The following GPD2 variants were observed in gnomAD, a reference collection of about 807,000 sequenced individuals.
GPD2 encodes glycerol-3-phosphate dehydrogenase 2.
In GPD2, 54 loss-of-function variants were observed where a neutral mutation model predicts 82.4. That is an observed-to-expected ratio of 0.66 (90% CI 0.53 to 0.82). The LOEUF is 0.82. Ranked by LOEUF, GPD2 falls within the 40% of genes least tolerant of loss-of-function variation. GPD2 has a pLI of 0.00. For synonymous variants in GPD2, 288 were observed against 306.1 expected (o/e 0.94, Z 0.62); for missense variants, 748 against 896.2 (o/e 0.83, Z 2.11).
At chr2:156,418,287 G>A in the GPD2 span, among the ~76,000 whole-genome samples, 5 of 151,912 alleles carry the variant, frequency 3.3e-5, no homozygotes, top group Non-Finnish European at 7.4e-5. Context: ...CCAGCTACTT[G>A]GCTGAGACAG....
At chr2:156,554,838 T>C (rs1686901206) in intron 8 of GPD2, among the ~76,000 whole-genome samples, 1 of 152,206 alleles carries the variant, frequency 6.6e-6, no homozygotes, top group African/African-American at 2.4e-5. Flanking sequence ...CACTGATTGC[T>C]AAGTAGTTAA....
At chr2:156,499,647 T>TA (rs1209349522) in intron 3 of GPD2, among the ~76,000 whole-genome samples, 9 of 152,272 alleles carry the variant, frequency 5.9e-5, no homozygotes, top group African/African-American at 1.9e-4. Flanking sequence ...TTGCAGTGTG[T>TA]TTCTTTCAAA....
At chr2:156,557,022 TAAAGG>T (rs1463760003) in intron 8 of GPD2, among the ~76,000 whole-genome samples, 2 of 152,222 alleles carry the variant, frequency 1.3e-5, no homozygotes, top group Non-Finnish European at 2.9e-5. Context: ...TTTACCATTA[TAAAGG>T]AAAGTATAGA....
chr2:156,538,277 T>G (rs1686156191), intron 6 of GPD2, among the ~76,000 whole-genome samples: 1 of 152,200 alleles, frequency 6.6e-6, no homozygotes, highest in Non-Finnish European at 1.5e-5. Context: ...CTAGCCCAAC[T>G]CACAGCCTAT....
intron 6 of GPD2, among the ~76,000 whole-genome samples, chr2:156,527,198 T>A (rs1394868311): frequency 2.0e-5 from 3 of 152,034 alleles, no homozygotes; most frequent in African/African-American, 7.2e-5. Flanking sequence ...TAAAAATATC[T>A]CTTCAATTAA....
intron 8 of GPD2, among the ~76,000 whole-genome samples, chr2:156,555,927 G>C (rs1686945159): frequency 6.6e-6 from 1 of 152,204 alleles, no homozygotes; most frequent in African/African-American, 2.4e-5. Flanking sequence ...GCTGTGAACA[G>C]TGACTTCTTT....
chr2:156,480,774 CT>C lies in GPD2; in HGVS notation c.102+4584del, dbSNP rs373482615. Among the ~76,000 whole-genome samples the C allele has an allele frequency of 6.0e-3, 825 of 136,502 alleles. 3 individuals are homozygous for C. The highest frequency in any genetic ancestry group is 0.017 in the African/African-American group (636 of 37,142). The allele number at this position is 136,502 out of a possible 152,430, so 89.6% of individuals were successfully genotyped here. A position where few individuals can be genotyped will look rare whatever the true frequency, so the allele number is the denominator to read the frequency against. On this transcript the variant is annotated intron_variant, in intron 2 of 16. Transcript: ENST00000438166. Reference sequence around the variant, plus strand: ...AATATGAAAATCAAGATCTCTCTCTCTTTTTTTTTTTTTTTTTCCTGAGATG... The same window carrying C: ...AATATGAAAATCAAGATCTCTCTCTCTTTTTTTTTTTTTTTTCCTGAGATG...
chr2:156,465,132 T>C (rs1485543398), intron 1 of GPD2, among the ~76,000 whole-genome samples: 1 of 152,226 alleles, frequency 6.6e-6, no homozygotes, highest in Non-Finnish European at 1.5e-5. Context: ...ATTACAGGCA[T>C]GAGCCACCGT....
At chr2:156,492,195 C>G (rs1684206298) in intron 2 of GPD2, among the ~76,000 whole-genome samples, 1 of 129,428 alleles carries the variant, frequency 7.7e-6, no homozygotes, top group Non-Finnish European at 1.6e-5. Context: ...CCTCTGTCAC[C>G]TAGGCTGGAG....
At chr2:156,411,311 CTTTTT>C in the GPD2 span, among the ~76,000 whole-genome samples, 1 of 151,954 alleles carries the variant, frequency 6.6e-6, no homozygotes, top group Admixed American at 6.6e-5. Context: ...CTCTCTCTCT[CTTTTT>C]ATTTTTAAAT....
chr2:156,553,338 C>T (rs1686836511), intron 8 of GPD2, among the ~76,000 whole-genome samples: 1 of 151,996 alleles, frequency 6.6e-6, no homozygotes, highest in Admixed American at 6.5e-5. Context: ...AATGAATCCT[C>T]CTAAATTTTT....
chr2:156,442,880 A>C (rs1460016831), intron 1 of GPD2, among the ~76,000 whole-genome samples: 1 of 152,180 alleles, frequency 6.6e-6, no homozygotes, highest in African/African-American at 2.4e-5. Flanking sequence ...TGCTTTGATC[A>C]TGTCACTCTC....
In GPD2 at chr2:156,583,326, GT is replaced by G. The variant is rs1688097303; in HGVS notation, c.*410del. 1 of 236,238 alleles carries G rather than the reference GT, an allele frequency of 4.2e-6. No homozygotes were observed. Among genetic ancestry groups the G allele is most frequent in the African/African-American group, 2.3e-5 (1 of 43,810 alleles). 14.6% of individuals were successfully genotyped at this position (236,238 alleles called of 1,614,324 possible). A position where few individuals can be genotyped will look rare whatever the true frequency, so the allele number is the denominator to read the frequency against. On this transcript the variant is annotated 3_prime_UTR_variant, in exon 17 of 17. Transcript: ENST00000438166. ...CAGATAGCATGTGTTATTAAAAAGA[GT>G]TGCCTATTGAAATGATCATGTTTCT...
At chr2:156,400,986 A>G in the GPD2 span, among the ~76,000 whole-genome samples, 1 of 152,258 alleles carries the variant, frequency 6.6e-6, no homozygotes, top group Non-Finnish European at 1.5e-5. Context: ...AGCGAAGCTC[A>G]GGGAAACCAC....
intron 2 of GPD2, among the ~76,000 whole-genome samples, chr2:156,477,006 T>C (rs1462903403): frequency 1.3e-5 from 2 of 152,250 alleles, no homozygotes; most frequent in East Asian, 3.8e-4. Flanking sequence ...TGATTCATTT[T>C]TCACATTTTT....
At chr2:156,559,296 G>A (rs1401679832) in intron 9 of GPD2, among the ~76,000 whole-genome samples, 8 of 152,038 alleles carry the variant, frequency 5.3e-5, no homozygotes, top group Admixed American at 4.6e-4. Context: ...TATCTTATTT[G>A]TATGCTACTC....
intron 2 of GPD2, among the ~76,000 whole-genome samples, chr2:156,485,830 G>A (rs1683918741): frequency 6.6e-6 from 1 of 152,184 alleles, no homozygotes; most frequent in African/African-American, 2.4e-5. Context: ...TAAGCATTTA[G>A]CCATTACATA....
At chr2:156,540,786 T>G (rs960438604) in intron 6 of GPD2, among the ~76,000 whole-genome samples, 1 of 152,192 alleles carries the variant, frequency 6.6e-6, no homozygotes, top group Admixed American at 6.5e-5. Context: ...AAAAAGAATC[T>G]TATTTTTCAG....
chr2:156,510,993 T>G lies in GPD2; in HGVS notation c.399+73T>G, dbSNP rs1315349846. On this transcript the variant is annotated intron_variant, in intron 4 of 16. Transcript: ENST00000438166. ...TTCTACCCAATTAAATCAGGTTTTT[T>G]TTTCTTTAATGGCTTAAAAGCATTT... 2.3e-6 allele frequency: 3 copies of G among 1,296,910 alleles called. No individual in the cohort carries two copies. In the African/African-American group the frequency reaches 4.4e-5, roughly 19 times the overall value. The allele number at this position is 1,296,910 out of a possible 1,614,324, so 80.3% of individuals were successfully genotyped here.
Sources: gnomAD v4.1 joint callset for allele counts (sites outside exome capture counted in the v4.1 genomes callset) on GRCh38, gnomAD v4.1.1 for gene constraint, MANE v1.5 for transcripts, NCBI Gene and HGNC (gene_info 2026-07-23, HGNC 2026-07-21) for gene names.